Variants in TMEM132B observed in about 807,000 individuals in gnomAD.
TMEM132B encodes transmembrane protein 132B.
TMEM132B carries 18 observed loss-of-function variants against 90.8 expected under a neutral mutation model. The ratio of observed to expected loss-of-function variants is 0.20; its 90% CI spans 0.14 to 0.29. TMEM132B has a LOEUF of 0.29. Ranked by LOEUF, TMEM132B falls within the 10% of genes least tolerant of loss-of-function variation. TMEM132B has a pLI of 1.00. For synonymous variants in TMEM132B, 504 were observed against 523.3 expected (o/e 0.96, Z 0.50); for missense variants, 1,096 against 1,326.8 (o/e 0.83, Z 2.70).
At chr12:125,450,700 T>C (rs1167147736) in intron 3 of TMEM132B, among the ~76,000 whole-genome samples, 1 of 152,170 alleles carries the variant, frequency 6.6e-6, no homozygotes, top group Non-Finnish European at 1.5e-5. Context: ...ATTTACATGG[T>C]CTCAAAATGT....
intron 2 of TMEM132B, among the ~76,000 whole-genome samples, chr12:125,374,725 C>T (rs1197766637): frequency 6.6e-6 from 1 of 151,890 alleles, no homozygotes; most frequent in Non-Finnish European, 1.5e-5. Context: ...ACTTGTATCC[C>T]TTGGTGCTCA....
intron 1 of TMEM132B, among the ~76,000 whole-genome samples, chr12:125,231,357 G>A (rs1295707548): frequency 1.3e-5 from 2 of 152,086 alleles, no homozygotes; most frequent in African/African-American, 2.4e-5. Context: ...TTTTCTGGGC[G>A]GACATGAGTT....
chr12:125,223,695 T>C (rs1453581103), intron 1 of TMEM132B, among the ~76,000 whole-genome samples: 2 of 152,246 alleles, frequency 1.3e-5, no homozygotes, highest in East Asian at 3.8e-4. Flanking sequence ...GCCATTAATC[T>C]ACTTTCTGTA....
intron 1 of TMEM132B, among the ~76,000 whole-genome samples, chr12:125,237,609 C>T (rs1363572637): frequency 6.6e-6 from 1 of 152,124 alleles, no homozygotes; most frequent in Non-Finnish European, 1.5e-5. Context: ...CCACCACGCC[C>T]AGCTAATTTT....
chr12:125,208,683 C>T (rs1873242589), intron 1 of TMEM132B, among the ~76,000 whole-genome samples: 2 of 152,340 alleles, frequency 1.3e-5, no homozygotes, highest in Admixed American at 1.3e-4. Flanking sequence ...GGGATTTGAT[C>T]TAAGAGCAGT....
chr12:125,537,342 G>A (rs736438), intron 4 of TMEM132B, among the ~76,000 whole-genome samples: 94,034 of 152,126 alleles, frequency 0.62, 29,977 homozygotes, highest in East Asian at 0.79. Flanking sequence ...AAAGCAAAAC[G>A]AACCAACACA....
At chr12:125,289,551 C>G (rs915807024) in intron 1 of TMEM132B, among the ~76,000 whole-genome samples, 27 of 152,320 alleles carry the variant, frequency 1.8e-4, no homozygotes, top group African/African-American at 6.5e-4. Context: ...TGGAGGTCCA[C>G]ACTATTTGAC....
intron 1 of TMEM132B, among the ~76,000 whole-genome samples, chr12:125,206,450 C>T (rs1252886626): frequency 1.3e-5 from 2 of 152,262 alleles, no homozygotes; most frequent in East Asian, 1.9e-4. Context: ...GTTGGCCAGG[C>T]TGGTCTTGAA....
chr12:125,414,876 G>A (rs1396694208), intron 2 of TMEM132B, among the ~76,000 whole-genome samples: 4 of 152,192 alleles, frequency 2.6e-5, no homozygotes, highest in African/African-American at 4.8e-5. Context: ...AGCAGTGTAC[G>A]AAAAGAAAGA....
chr12:125,533,090 C>A (rs530393587), intron 4 of TMEM132B, among the ~76,000 whole-genome samples: 1 of 152,288 alleles, frequency 6.6e-6, no homozygotes, highest in East Asian at 1.9e-4. Flanking sequence ...GAAAATCAAG[C>A]TGCTGTCGTT....
chr12:125,562,280 A>G (rs1168781837), intron 4 of TMEM132B, among the ~76,000 whole-genome samples: 8 of 152,244 alleles, frequency 5.3e-5, no homozygotes, highest in Admixed American at 2.6e-4. Context: ...CTTTGGCTGA[A>G]GGGAATGTTG....
At chr12:125,421,144 A>C (rs1676314) in intron 3 of TMEM132B, among the ~76,000 whole-genome samples, 6,164 of 152,252 alleles carry the variant, frequency 0.04, 423 homozygotes, top group African/African-American at 0.14. Context: ...CTTCTAAGTC[A>C]TCCAAACTGT....
intron 1 of TMEM132B, among the ~76,000 whole-genome samples, chr12:125,269,377 C>A (rs1272338558): frequency 1.3e-5 from 2 of 152,182 alleles, no homozygotes; most frequent in African/African-American, 4.8e-5. Flanking sequence ...TGGAGCGAGG[C>A]AGGCAGCCTT....
intron 3 of TMEM132B, among the ~76,000 whole-genome samples, chr12:125,448,548 C>T (rs552891386): frequency 4.6e-5 from 7 of 152,254 alleles, no homozygotes; most frequent in African/African-American, 1.7e-4. Context: ...TCAACTTCCC[C>T]ATCCCAGTAG....
intron 1 of TMEM132B, among the ~76,000 whole-genome samples, chr12:125,269,160 T>G (rs1333050763): frequency 2.0e-5 from 3 of 152,250 alleles, no homozygotes; most frequent in Admixed American, 6.5e-5. Context: ...TACTTTGCAG[T>G]TCATCGAGCA....
At position 125,498,680 on chromosome 12, in the gene TMEM132B, A is replaced by T. The variant is rs1882619019; in HGVS notation, c.1107-20759A>T. On this transcript the variant is annotated intron_variant, in intron 3 of 8. Coordinates refer to ENST00000682704, the MANE Select transcript of TMEM132B (RefSeq NM_001366854.1). The surrounding 1 kb of genome is among the most constrained non-coding windows in gnomAD (Gnocchi z 4.5). ...ATTCTAGTTGGAAAGACCAGCTTAC[A>T]CTCCAGGCTGCGGGGTCCTTGGAAC... Among the ~76,000 whole-genome samples the T allele has an allele frequency of 2.0e-5, 3 of 151,944 alleles. No individual in the cohort carries two copies. Among genetic ancestry groups the T allele is most frequent in the Admixed American group, 1.3e-4 (2 of 15,234 alleles).
intron 1 of TMEM132B, among the ~76,000 whole-genome samples, chr12:125,272,403 G>A (rs1181403768): frequency 2.0e-5 from 3 of 152,162 alleles, no homozygotes; most frequent in Non-Finnish European, 2.9e-5. Context: ...CCCAGCGGGT[G>A]GGAAATTCCC....
intron 4 of TMEM132B, among the ~76,000 whole-genome samples, chr12:125,548,029 T>C (rs1884133268): frequency 6.6e-6 from 1 of 152,280 alleles, no homozygotes; most frequent in Middle Eastern, 3.4e-3. Flanking sequence ...AGAGTTACTG[T>C]CTATATACTT....
intron 4 of TMEM132B, among the ~76,000 whole-genome samples, chr12:125,535,222 T>G (rs945873094): frequency 3.9e-5 from 6 of 152,244 alleles, no homozygotes; most frequent in Admixed American, 3.3e-4. Context: ...CCGCCATTGT[T>G]CCAGAAAAGA....
Sources: allele counts gnomAD v4.1 joint callset (sites outside exome capture counted in the v4.1 genomes callset), GRCh38; gene constraint gnomAD v4.1.1; non-coding constraint Gnocchi (gnomAD v3.1); transcripts MANE v1.5; gene names NCBI Gene and HGNC (gene_info 2026-07-23, HGNC 2026-07-21).